Variants in GALNT13 observed in about 807,000 individuals in gnomAD.
The protein encoded by GALNT13 is polypeptide N-acetylgalactosaminyltransferase 13.
A neutral mutation model predicts 64.2 loss-of-function variants in GALNT13; 28 were observed. The observed-to-expected ratio is 0.44, with a 90% CI of 0.32 to 0.60. The LOEUF is 0.60. Among genes scored for constraint, GALNT13 ranks in the 20% least tolerant of loss-of-function variants. The pLI is 0.05. For synonymous variants in GALNT13, 214 were observed against 224.6 expected (o/e 0.95, Z 0.42); for missense variants, 577 against 669.8 (o/e 0.86, Z 1.53).
chr2:153,661,728 A>G, the GALNT13 span, among the ~76,000 whole-genome samples: 1 of 152,202 alleles, frequency 6.6e-6, no homozygotes, highest in Non-Finnish European at 1.5e-5. Context: ...ATTTCTCCAC[A>G]TAATATATCA....
chr2:153,087,173 G>A, the GALNT13 span, among the ~76,000 whole-genome samples: 1 of 152,084 alleles, frequency 6.6e-6, no homozygotes, highest in Non-Finnish European at 1.5e-5. Context: ...CAATATTGCT[G>A]AGGTTTTAAT....
the GALNT13 span, among the ~76,000 whole-genome samples, chr2:153,609,628 A>G: frequency 2.0e-5 from 3 of 152,110 alleles, no homozygotes; most frequent in African/African-American, 7.2e-5. Context: ...AAACCACCCT[A>G]CCAACTAGAG....
the GALNT13 span, among the ~76,000 whole-genome samples, chr2:153,541,705 G>C: frequency 6.6e-6 from 1 of 152,198 alleles, no homozygotes; most frequent in Non-Finnish European, 1.5e-5. Flanking sequence ...CATGCTTAGA[G>C]AAAACAGGAA....
At chr2:154,430,073 T>C (rs1422396807) in intron 11 of GALNT13, among the ~76,000 whole-genome samples, 1 of 152,206 alleles carries the variant, frequency 6.6e-6, no homozygotes, top group African/African-American at 2.4e-5. Context: ...TACAAGGAGA[T>C]TAATGTTTTC....
the GALNT13 span, among the ~76,000 whole-genome samples, chr2:153,425,604 A>T: frequency 6.6e-6 from 1 of 151,866 alleles, no homozygotes; most frequent in African/African-American, 2.4e-5. Flanking sequence ...ATAGAAAAAC[A>T]TGTATCTGAA....
chr2:154,390,176 C>T (rs756024448), intron 9 of GALNT13, among the ~76,000 whole-genome samples: 5 of 152,126 alleles, frequency 3.3e-5, no homozygotes, highest in Non-Finnish European at 5.9e-5. Context: ...CATGATTTCT[C>T]TAAAGAGTGA....
the GALNT13 span, among the ~76,000 whole-genome samples, chr2:153,558,093 CCTT>C: frequency 1.3e-5 from 2 of 152,152 alleles, no homozygotes; most frequent in South Asian, 2.1e-4. Context: ...AAGTCTGTCT[CCTT>C]CTCTTGACTG....
At position 154,366,768 on chromosome 2, in the gene GALNT13, A is replaced by G. The variant is rs574879543; in HGVS notation, c.1157-29223A>G. Among the ~76,000 whole-genome samples the G allele has an allele frequency of 1.2e-4, 18 of 152,322 alleles. No individual in the cohort carries two copies. The South Asian group carries it at 2.9e-3, about 25-fold the overall frequency. On this transcript the variant is annotated intron_variant, in intron 9 of 12. Transcript: ENST00000392825. ...GTCCAACAATGATTACTGTGTGGAA[A>G]GTGATCACCAGAGAAGAGGGAAGGC...
the GALNT13 span, among the ~76,000 whole-genome samples, chr2:153,768,256 G>A: frequency 3.3e-5 from 5 of 152,260 alleles, no homozygotes; most frequent in African/African-American, 1.2e-4. Flanking sequence ...TGAAAAGAAC[G>A]TATATTCTGT....
chr2:153,312,563 T>C, the GALNT13 span, among the ~76,000 whole-genome samples: 3 of 152,128 alleles, frequency 2.0e-5, no homozygotes, highest in Non-Finnish European at 4.4e-5. Flanking sequence ...TCTTAATAGG[T>C]TTTTCAACTG....
the GALNT13 span, among the ~76,000 whole-genome samples, chr2:153,653,519 A>AATT: frequency 8.5e-3 from 1,287 of 152,292 alleles, 14 homozygotes; most frequent in African/African-American, 0.029. Context: ...TTATGGATAT[A>AATT]ATTAGATGTT....
At chr2:154,257,264 C>A (rs1481692486) in intron 7 of GALNT13, among the ~76,000 whole-genome samples, 1 of 152,044 alleles carries the variant, frequency 6.6e-6, no homozygotes, top group Non-Finnish European at 1.5e-5. Flanking sequence ...AGCCGAAATT[C>A]AATACATGTT....
intron 3 of GALNT13, among the ~76,000 whole-genome samples, chr2:154,003,202 A>G (rs1468158441): frequency 6.6e-6 from 1 of 151,998 alleles, no homozygotes; most frequent in Non-Finnish European, 1.5e-5. Context: ...CTTCTTTCCA[A>G]TTTACCCCAC....
chr2:153,464,522 A>G, the GALNT13 span, among the ~76,000 whole-genome samples: 1 of 152,102 alleles, frequency 6.6e-6, no homozygotes, highest in Non-Finnish European at 1.5e-5. Context: ...ATGTTTAATC[A>G]AACTCTAGCA....
intron 1 of GALNT13, among the ~76,000 whole-genome samples, chr2:153,881,108 C>T (rs1686751372): frequency 6.6e-6 from 1 of 152,126 alleles, no homozygotes. Flanking sequence ...ATCTCATTAC[C>T]TTTGTCTACT....
At chr2:153,503,112 G>A in the GALNT13 span, among the ~76,000 whole-genome samples, 1 of 151,976 alleles carries the variant, frequency 6.6e-6, no homozygotes, top group South Asian at 2.1e-4. Flanking sequence ...CTTTGTTTTC[G>A]TTGCATTTGC....
chr2:153,222,286 C>T, the GALNT13 span, among the ~76,000 whole-genome samples: 671 of 70,748 alleles, frequency 9.5e-3, 10 homozygotes, highest in African/African-American at 0.033. Context: ...CAGGTTTTCC[C>T]GACTTCTGTA....
At chr2:153,299,281 T>A in the GALNT13 span, among the ~76,000 whole-genome samples, 2 of 152,360 alleles carry the variant, frequency 1.3e-5, no homozygotes, top group East Asian at 3.9e-4. Flanking sequence ...AGTCATCTTT[T>A]ATTTTGTTTG....
At chr2:153,279,199 C>T in the GALNT13 span, among the ~76,000 whole-genome samples, 1 of 152,214 alleles carries the variant, frequency 6.6e-6, no homozygotes, top group Admixed American at 6.5e-5. Flanking sequence ...AATTTTTGTA[C>T]ACTGATTTTG....
Sources: allele counts gnomAD v4.1 joint callset (sites outside exome capture counted in the v4.1 genomes callset), GRCh38; gene constraint gnomAD v4.1.1; transcripts MANE v1.5; gene names NCBI Gene and HGNC (gene_info 2026-07-23, HGNC 2026-07-21).